The following SSH2 variants were observed in gnomAD, a reference collection of about 807,000 sequenced individuals.
The protein encoded by SSH2 is protein phosphatase Slingshot homolog 2.
In SSH2, 37 loss-of-function variants were observed where a neutral mutation model predicts 135.2. That is an observed-to-expected ratio of 0.27 (90% CI 0.21 to 0.36). SSH2 has a LOEUF of 0.36. Ranked by LOEUF, SSH2 falls within the 10% of genes least tolerant of loss-of-function variation. The pLI, the probability that SSH2 is intolerant of heterozygous loss-of-function variation, is 1.00. For missense variants in SSH2, 1,408 were observed against 1,765.3 expected (o/e 0.80, Z 3.63); for synonymous variants, 628 against 646.2 (o/e 0.97, Z 0.43).
intron 1 of SSH2, among the ~76,000 whole-genome samples, chr17:29,884,785 T>TA (rs1827512212): frequency 6.6e-6 from 1 of 152,234 alleles, no homozygotes. Flanking sequence ...TTCTGTAATC[T>TA]ATCTCATCCT....
intron 1 of SSH2, among the ~76,000 whole-genome samples, chr17:29,891,991 G>A (rs2066358144): frequency 6.6e-6 from 1 of 151,704 alleles, no homozygotes; most frequent in South Asian, 2.1e-4. Context: ...ATGGCTTTTA[G>A]AATTTACAAA....
chr17:29,732,901 G>A (rs2040245508), intron 3 of SSH2, among the ~76,000 whole-genome samples: 1 of 152,172 alleles, frequency 6.6e-6, no homozygotes, highest in Non-Finnish European at 1.5e-5. Context: ...CATGCCTAAA[G>A]CAAAGCAGCA....
intron 14 of SSH2, chr17:29,641,497 C>A (rs543180890): frequency 1.1e-4 from 17 of 152,294 alleles, no homozygotes; most frequent in African/African-American, 3.9e-4. Context: ...GGCCTCTGAC[C>A]TGAATTTGGA....
At chr17:29,792,241 A>T (rs2042081114) in intron 3 of SSH2, among the ~76,000 whole-genome samples, 1 of 152,078 alleles carries the variant, frequency 6.6e-6, no homozygotes. Context: ...AGTACTGTGA[A>T]TAAGAGAATG....
At chr17:29,796,303 G>A (rs947009894) in intron 2 of SSH2, among the ~76,000 whole-genome samples, 4 of 152,022 alleles carry the variant, frequency 2.6e-5, no homozygotes, top group South Asian at 4.1e-4. Context: ...ATCTTATAGC[G>A]AACTTGTATA....
At chr17:29,679,275 T>A (rs1192488959) in intron 6 of SSH2, among the ~76,000 whole-genome samples, 2 of 152,160 alleles carry the variant, frequency 1.3e-5, no homozygotes, top group African/African-American at 4.8e-5. Context: ...CTAGAAAGAA[T>A]CTGGCATAAC....
chr17:29,783,340 A>G (rs2041885301), intron 3 of SSH2, among the ~76,000 whole-genome samples: 1 of 143,300 alleles, frequency 7.0e-6, no homozygotes, highest in Non-Finnish European at 1.5e-5. Context: ...ATATATATGT[A>G]AAGGAGAATT....
chr17:29,672,225 T>C (rs1158363532), intron 8 of SSH2, 96 bp from the exon 9 acceptor site: 7 of 909,102 alleles, frequency 7.7e-6, no homozygotes, highest in African/African-American at 1.7e-5. Flanking sequence ...TTAAATTCTA[T>C]AGAATTTGTC....
chr17:29,794,056 A>G (rs1231947130), intron 2 of SSH2, 119 bp from the exon 3 acceptor site: 3 of 756,416 alleles, frequency 4.0e-6, no homozygotes, highest in African/African-American at 3.6e-5. Context: ...CTCATGTTGT[A>G]TACTTGAACT....
chr17:29,711,837 T>C (rs1056908293), intron 3 of SSH2, among the ~76,000 whole-genome samples: 1 of 152,246 alleles, frequency 6.6e-6, no homozygotes, highest in African/African-American at 2.4e-5. Flanking sequence ...TGGGACACTC[T>C]GCTCCTGCTC....
rs1325555108 is a variant in SSH2, at chr17:29,752,734, G to A, written c.188+41160C>T. ...CGCAAAGTTAAAAGTCAAGCAATAG[G>A]CTAGGAGAAAGTATTTTTGCCACAT... On this transcript the variant is annotated intron_variant, in intron 3 of 15. Coordinates refer to ENST00000540801, the MANE Select transcript of SSH2 (RefSeq NM_001282129.2). 2.0e-5 allele frequency among the ~76,000 whole-genome samples: 3 copies of A among 151,492 alleles called. No individual in the cohort carries two copies. In the South Asian group the frequency reaches 6.2e-4, roughly 31 times the overall value.
chr17:29,828,608 T>G, intron 2 of SSH2, among the ~76,000 whole-genome samples: 1 of 152,240 alleles, frequency 6.6e-6, no homozygotes, highest in Admixed American at 6.5e-5. Flanking sequence ...AAGATCCCAG[T>G]TTCCAGGCCT....
intron 5 of SSH2, among the ~76,000 whole-genome samples, chr17:29,693,367 A>C (rs1476374349): frequency 6.6e-6 from 1 of 152,068 alleles, no homozygotes; most frequent in Non-Finnish European, 1.5e-5. Flanking sequence ...GTTGGAGTGT[A>C]ATGGCACAAT....
At chr17:29,739,516 T>G (rs1336093606) in intron 3 of SSH2, among the ~76,000 whole-genome samples, 1 of 152,232 alleles carries the variant, frequency 6.6e-6, no homozygotes, top group Non-Finnish European at 1.5e-5. Flanking sequence ...TTAAAGGATA[T>G]TCCCCAAAAA....
At chr17:29,744,354 G>A (rs1271668909) in intron 3 of SSH2, among the ~76,000 whole-genome samples, 1 of 152,146 alleles carries the variant, frequency 6.6e-6, no homozygotes, top group Non-Finnish European at 1.5e-5. Flanking sequence ...GAGGGACAGG[G>A]TTGGCTGAGG....
chr17:29,783,993 G>A (rs1480446438), intron 3 of SSH2, among the ~76,000 whole-genome samples: 11 of 140,036 alleles, frequency 7.9e-5, no homozygotes, highest in African/African-American at 2.9e-4. Flanking sequence ...GTGAACCCGG[G>A]AGGCGGAGCT....
chr17:29,671,435 T>G (rs961516774), intron 9 of SSH2, among the ~76,000 whole-genome samples: 6 of 152,188 alleles, frequency 3.9e-5, no homozygotes, highest in Admixed American at 2.0e-4. Flanking sequence ...TGAGCTATGA[T>G]TGTGCCACTG....
chr17:29,868,114 C>T (rs1348319779), intron 1 of SSH2, among the ~76,000 whole-genome samples: 1 of 152,120 alleles, frequency 6.6e-6, no homozygotes, highest in Non-Finnish European at 1.5e-5. Flanking sequence ...GAGATTCATT[C>T]CCTATTCTTT....
At chr17:29,760,366 G>A (rs149589943) in intron 3 of SSH2, among the ~76,000 whole-genome samples, 1 of 152,150 alleles carries the variant, frequency 6.6e-6, no homozygotes, top group Non-Finnish European at 1.5e-5. Context: ...TGCTATCTAA[G>A]TAACCTTAAA....
Sources: allele counts gnomAD v4.1 joint callset (sites outside exome capture counted in the v4.1 genomes callset), GRCh38; gene constraint gnomAD v4.1.1; transcripts MANE v1.5; gene names NCBI Gene and HGNC (gene_info 2026-07-23, HGNC 2026-07-21).